The following KIF26B variants were observed in gnomAD, a reference collection of about 807,000 sequenced individuals.
KIF26B encodes the protein kinesin-like protein KIF26B.
Under a neutral mutation model 151.2 loss-of-function variants are expected in KIF26B, and 63 were observed. That is an observed-to-expected ratio of 0.42 (90% CI 0.34 to 0.51). The LOEUF is 0.51. Ranked by LOEUF, KIF26B falls within the 20% of genes least tolerant of loss-of-function variation. The pLI is 0.07. For synonymous variants in KIF26B, 1,357 were observed against 1,262.1 expected (o/e 1.08, Z -1.59); for missense variants, 2,813 against 2,913.6 (o/e 0.97, Z 0.79).
chr1:245,450,035 C>T (rs115632118), intron 4 of KIF26B, among the ~76,000 whole-genome samples: 1,578 of 152,220 alleles, frequency 0.01, 14 homozygotes, highest in Middle Eastern at 0.017. Context: ...TTTAGATGTG[C>T]GTGCTTTGCC....
Position 245,705,974 on chromosome 1 carries a change from G to C in KIF26B, c.*3368G>C, listed in dbSNP as rs528288891. The C allele has an allele frequency of 1.3e-5, 2 of 152,340 alleles. No individual in the cohort carries two copies. Among genetic ancestry groups the C allele is most frequent in the South Asian group, 4.1e-4 (2 of 4,830 alleles). The allele number at this position is 152,340 out of a possible 1,614,324, so 9.4% of individuals were successfully genotyped here. A position where few individuals can be genotyped will look rare whatever the true frequency, so the allele number is the denominator to read the frequency against. On this transcript the variant is annotated 3_prime_UTR_variant, in exon 15 of 15. Transcript: ENST00000407071. ...CATTCTTAACATGGGGGAGCATTAA[G>C]ATGCAAATGCAGAGATGTGTCCTGT...
intron 4 of KIF26B, among the ~76,000 whole-genome samples, chr1:245,466,834 G>A (rs534044613): frequency 2.0e-5 from 3 of 152,296 alleles, no homozygotes; most frequent in South Asian, 2.1e-4. Flanking sequence ...GCTGCGGCAC[G>A]AGAATTGCTT....
In KIF26B at chr1:245,375,745, G is replaced by T. The variant is rs1014485301; in HGVS notation, c.999+8378G>T. Among the ~76,000 whole-genome samples, 2 of 152,158 alleles carry T rather than the reference G, an allele frequency of 1.3e-5. No individual in the cohort carries two copies. The highest frequency in any genetic ancestry group is 2.4e-5 in the African/African-American group (1 of 41,444). ...TGGTGAGCCTTCTGTTAACTGAAAA[G>T]CTTGGTAAGGAGAAGCGGGATGGGG... On this transcript the variant is annotated intron_variant, in intron 3 of 14. Coordinates refer to ENST00000407071, the MANE Select transcript of KIF26B (RefSeq NM_018012.4). The surrounding 1 kb of genome is among the most constrained non-coding windows in gnomAD (Gnocchi z 4.2).
intron 2 of KIF26B, among the ~76,000 whole-genome samples, chr1:245,224,588 T>A (rs1337541818): frequency 6.6e-6 from 1 of 152,376 alleles, no homozygotes; most frequent in East Asian, 1.9e-4. Flanking sequence ...TTTGAAAACT[T>A]GTATTTGTCA....
chr1:245,199,217 A>C (rs1669254248), intron 2 of KIF26B, among the ~76,000 whole-genome samples: 1 of 152,096 alleles, frequency 6.6e-6, no homozygotes, highest in African/African-American at 2.4e-5. Flanking sequence ...TATCAGATGC[A>C]AATCTAAATG....
At chr1:245,185,380 C>T (rs1287828735) in intron 2 of KIF26B, among the ~76,000 whole-genome samples, 1 of 152,102 alleles carries the variant, frequency 6.6e-6, no homozygotes, top group Non-Finnish European at 1.5e-5. Flanking sequence ...CTCAGGTAAT[C>T]AGGTGGCGGA....
At chr1:245,534,737 G>A (rs1441987225) in intron 4 of KIF26B, among the ~76,000 whole-genome samples, 1 of 151,554 alleles carries the variant, frequency 6.6e-6, no homozygotes, top group Non-Finnish European at 1.5e-5. Flanking sequence ...GAACTTATCA[G>A]GCATTAATTA....
intron 4 of KIF26B, among the ~76,000 whole-genome samples, chr1:245,431,314 G>T (rs1658772687): frequency 6.7e-6 from 1 of 149,436 alleles, no homozygotes; most frequent in Non-Finnish European, 1.5e-5. Context: ...GAGTAGCTAG[G>T]ACTGCAGGCG....
chr1:245,556,701 G>GT (rs367572255), intron 5 of KIF26B, among the ~76,000 whole-genome samples: 45,645 of 146,852 alleles, frequency 0.31, 7,074 homozygotes, highest in South Asian at 0.4. Context: ...TGCATCTGGT[G>GT]TTTTTGTTGT....
At chr1:245,387,168 G>GT (rs11453729) in intron 3 of KIF26B, among the ~76,000 whole-genome samples, 60,865 of 139,578 alleles carry the variant, frequency 0.44, 14,013 homozygotes, top group South Asian at 0.49. Flanking sequence ...TTTGTTTTTT[G>GT]TTTTTTGTTT....
chr1:245,475,467 T>A (rs953988272), intron 4 of KIF26B, among the ~76,000 whole-genome samples: 14 of 151,830 alleles, frequency 9.2e-5, no homozygotes, highest in Admixed American at 5.9e-4. Flanking sequence ...GGTCATTGGA[T>A]AGGCGGGAAA....
At chr1:245,682,189 G>A (rs2044448595) in intron 10 of KIF26B, among the ~76,000 whole-genome samples, 1 of 152,196 alleles carries the variant, frequency 6.6e-6, no homozygotes, top group Non-Finnish European at 1.5e-5. Context: ...AGATTGCAGT[G>A]AGCCGAGATC....
chr1:245,684,639 G>A (rs1057082843), intron 11 of KIF26B, among the ~76,000 whole-genome samples: 11 of 152,194 alleles, frequency 7.2e-5, no homozygotes, highest in African/African-American at 2.2e-4. Context: ...ACCCCTGACC[G>A]GAAGCACTTG....
intron 3 of KIF26B, among the ~76,000 whole-genome samples, chr1:245,392,614 C>T (rs1332234270): frequency 6.6e-6 from 1 of 152,164 alleles, no homozygotes; most frequent in African/African-American, 2.4e-5. Context: ...TTATGTAACA[C>T]ATCTCCCTCT....
At chr1:245,212,775 C>T (rs796314075) in intron 2 of KIF26B, among the ~76,000 whole-genome samples, 17 of 152,360 alleles carry the variant, frequency 1.1e-4, no homozygotes, top group African/African-American at 3.8e-4. Flanking sequence ...CTTTACCATT[C>T]CTGTTCCTCA....
At chr1:245,614,175 T>G (rs1398106524) in intron 9 of KIF26B, among the ~76,000 whole-genome samples, 3 of 152,156 alleles carry the variant, frequency 2.0e-5, no homozygotes, top group African/African-American at 7.2e-5. Context: ...CTCCTTTAGT[T>G]TTTTTGTTTG....
intron 3 of KIF26B, among the ~76,000 whole-genome samples, chr1:245,381,833 C>A (rs1207053292): frequency 8.2e-6 from 1 of 122,358 alleles, no homozygotes; most frequent in Non-Finnish European, 1.9e-5. Flanking sequence ...AGAACTTCTT[C>A]TCTGGTTAAT....
intron 2 of KIF26B, among the ~76,000 whole-genome samples, chr1:245,342,959 G>A (rs529741560): frequency 2.6e-5 from 4 of 151,906 alleles, no homozygotes; most frequent in Non-Finnish European, 4.4e-5. Flanking sequence ...GGTGGTGGGC[G>A]CCTGTAATTC....
intron 2 of KIF26B, among the ~76,000 whole-genome samples, chr1:245,173,778 CT>C (rs1238674161): frequency 6.6e-6 from 1 of 152,206 alleles, no homozygotes; most frequent in East Asian, 1.9e-4. Flanking sequence ...TCTCCTTTCT[CT>C]TACTTCCACG....
Sources: allele counts gnomAD v4.1 joint callset (sites outside exome capture counted in the v4.1 genomes callset), GRCh38; gene constraint gnomAD v4.1.1; non-coding constraint Gnocchi (gnomAD v3.1); transcripts MANE v1.5; gene names NCBI Gene and HGNC (gene_info 2026-07-23, HGNC 2026-07-21).